PPARGC1A: variants seen among roughly 807,000 people sequenced by gnomAD.
The protein encoded by PPARGC1A is peroxisome proliferator-activated receptor gamma coactivator 1-alpha.
In PPARGC1A, 25 loss-of-function variants were observed where a neutral mutation model predicts 88.7. That is an observed-to-expected ratio of 0.28 (90% CI 0.21 to 0.39). The LOEUF (loss-of-function observed/expected upper bound fraction) is 0.39. PPARGC1A is among the 10% of genes least tolerant of loss of function. PPARGC1A has a pLI of 1.00. For synonymous variants in PPARGC1A, 363 were observed against 355.6 expected (o/e 1.02, Z -0.24); for missense variants, 880 against 968.7 (o/e 0.91, Z 1.22).
chr4:24,353,585 ATAT>A, the PPARGC1A span, among the ~76,000 whole-genome samples: 1 of 152,230 alleles, frequency 6.6e-6, no homozygotes, highest in Admixed American at 6.5e-5. Context: ...GAGAAAGAAC[ATAT>A]TCTTATTCTG....
intron 12 of PPARGC1A, among the ~76,000 whole-genome samples, 185 bp from the exon 13 acceptor site, chr4:23,796,110 A>C (rs3821952): frequency 0.063 from 9,597 of 152,106 alleles, 382 homozygotes; most frequent in East Asian, 0.19. Context: ...GTGAGCTTTC[A>C]AAAACACGCA....
At chr4:24,157,602 T>C in the PPARGC1A span, among the ~76,000 whole-genome samples, 1 of 152,164 alleles carries the variant, frequency 6.6e-6, no homozygotes, top group East Asian at 1.9e-4. Flanking sequence ...CCCCAGCTTC[T>C]TCCTAACTCA....
At chr4:23,913,149 T>A in the PPARGC1A span, among the ~76,000 whole-genome samples, 30,912 of 144,024 alleles carry the variant, frequency 0.21, 3,745 homozygotes, top group East Asian at 0.37. Context: ...ACACATACAC[T>A]CTCTCTCTCT....
rs200320648 is a variant in PPARGC1A, at chr4:23,831,645, T to C, written c.341A>G (p.Asp114Gly). The change falls in exon 3 of 13, where the codon GAT becomes GGT. Residue 114 changes from aspartate (D) to glycine (G), a missense_variant. By Grantham distance (94) the Asp-to-Gly change is moderately conservative. Coordinates refer to ENST00000264867, the MANE Select transcript of PPARGC1A (RefSeq NM_013261.5). ...CTCATTGTCAGTGGTCACGTCTCCA[T>C]CTGTCAGCGCATCAAATGAGGGCAA... is the stretch of plus-strand genomic sequence containing the variant. ...DGLPSFDALT[D>G]GDVTTDNEAS... The C allele has an allele frequency of 9.9e-6, 16 of 1,614,096 alleles. No individual in the cohort carries two copies. The highest frequency in any genetic ancestry group is 1.3e-5 in the African/African-American group (1 of 75,030).
the PPARGC1A span, among the ~76,000 whole-genome samples, chr4:24,146,068 T>C: frequency 6.6e-6 from 1 of 152,202 alleles, no homozygotes; most frequent in Non-Finnish European, 1.5e-5. Context: ...GCAGGTTTGT[T>C]TTACTTCAAA....
At chr4:24,320,005 G>C in the PPARGC1A span, among the ~76,000 whole-genome samples, 1 of 152,030 alleles carries the variant, frequency 6.6e-6, no homozygotes, top group East Asian at 1.9e-4. Context: ...TAGAAGACAA[G>C]GACTGCAGAA....
At chr4:24,333,940 CAA>C in the PPARGC1A span, among the ~76,000 whole-genome samples, 3 of 13,830 alleles carry the variant, frequency 2.2e-4, no homozygotes, top group Non-Finnish European at 2.9e-4. Flanking sequence ...ACAACAACAA[CAA>C]AAAAAAAAAA....
At chr4:24,143,682 GCTAA>G in the PPARGC1A span, among the ~76,000 whole-genome samples, 20 of 152,194 alleles carry the variant, frequency 1.3e-4, no homozygotes, top group Non-Finnish European at 2.4e-4. Context: ...ACATGACTGT[GCTAA>G]CTATTTTGAT....
chr4:23,893,239 A>G (rs1718114957), upstream of PPARGC1A, among the ~76,000 whole-genome samples: 1 of 152,116 alleles, frequency 6.6e-6, no homozygotes, highest in Non-Finnish European at 1.5e-5. Flanking sequence ...ACTGAAGTGT[A>G]TAACATTTGG....
chr4:24,328,646 G>T, the PPARGC1A span, among the ~76,000 whole-genome samples: 1 of 152,154 alleles, frequency 6.6e-6, no homozygotes, highest in African/African-American at 2.4e-5. Context: ...TTCAACACTG[G>T]CACTAAACAG....
the PPARGC1A span, among the ~76,000 whole-genome samples, chr4:24,123,918 A>AAC: frequency 4.6e-5 from 7 of 151,694 alleles, no homozygotes; most frequent in Middle Eastern, 3.4e-3. Flanking sequence ...GGCAAAAAAA[A>AAC]AAAAAAACAA....
the PPARGC1A span, among the ~76,000 whole-genome samples, chr4:24,180,464 T>C: frequency 1.1e-4 from 16 of 152,228 alleles, 1 homozygote; most frequent in African/African-American, 3.1e-4. Context: ...CTGGGAACCA[T>C]TGTTTTAGCC....
At chr4:24,099,110 C>T in the PPARGC1A span, among the ~76,000 whole-genome samples, 8 of 152,122 alleles carry the variant, frequency 5.3e-5, no homozygotes, top group Non-Finnish European at 8.8e-5. Flanking sequence ...TTACAGAATA[C>T]TGTCTTTAAA....
chr4:24,396,716 A>G, the PPARGC1A span, among the ~76,000 whole-genome samples: 2 of 152,214 alleles, frequency 1.3e-5, no homozygotes, highest in South Asian at 2.1e-4. Flanking sequence ...TGCTCCCCAC[A>G]GCTCACACTT....
the PPARGC1A span, among the ~76,000 whole-genome samples, chr4:24,195,000 G>A: frequency 2.6e-5 from 4 of 152,084 alleles, no homozygotes; most frequent in African/African-American, 9.7e-5. Context: ...GGTATCCCAT[G>A]GTCATACTGT....
chr4:24,419,535 A>G, the PPARGC1A span, among the ~76,000 whole-genome samples: 9 of 150,708 alleles, frequency 6.0e-5, no homozygotes, highest in East Asian at 3.9e-4. Context: ...CCCTCTCCCA[A>G]TTTCAGCCTT....
chr4:23,830,801 C>G lies in PPARGC1A; in HGVS notation c.429+756G>C, dbSNP rs189500411. Among the ~76,000 whole-genome samples, 318 of 152,282 alleles carry G rather than the reference C, an allele frequency of 2.1e-3. 1 individual carries two copies. The highest frequency in any genetic ancestry group is 3.6e-3 in the Non-Finnish European group (248 of 68,020). ...ACTGTGTCTTAGAACTAATAAAACTCTGGTCAAGCACTGCATTGAACAGAA... is the reference window on the plus strand; with the variant it reads ...ACTGTGTCTTAGAACTAATAAAACTGTGGTCAAGCACTGCATTGAACAGAA... On this transcript the variant is annotated intron_variant, in intron 3 of 12. Coordinates refer to ENST00000264867, the MANE Select transcript of PPARGC1A (RefSeq NM_013261.5).
intron 2 of PPARGC1A, among the ~76,000 whole-genome samples, chr4:23,865,777 T>C (rs1201788547): frequency 6.6e-6 from 1 of 152,154 alleles, no homozygotes; most frequent in Non-Finnish European, 1.5e-5. Context: ...TCACACTAAA[T>C]TGGCAAATGC....
chr4:24,185,546 C>T, the PPARGC1A span, among the ~76,000 whole-genome samples: 1 of 152,162 alleles, frequency 6.6e-6, no homozygotes, highest in Non-Finnish European at 1.5e-5. Context: ...TTTCTCCCCT[C>T]ACCAGTACGA....
Sources: gnomAD v4.1 joint callset for allele counts (sites outside exome capture counted in the v4.1 genomes callset) on GRCh38, gnomAD v4.1.1 for gene constraint, MANE v1.5 for transcripts, NCBI Gene and HGNC (gene_info 2026-07-23, HGNC 2026-07-21) for gene names.